ZNF385D: variants seen among roughly 807,000 people sequenced by gnomAD.
The protein encoded by ZNF385D is zinc finger protein 659.
In ZNF385D, 15 loss-of-function variants were observed where a neutral mutation model predicts 35.8. The observed-to-expected ratio is 0.42, with a 90% CI of 0.28 to 0.64. ZNF385D has a LOEUF of 0.64. Among genes scored for constraint, ZNF385D ranks in the 30% least tolerant of loss-of-function variants. ZNF385D has a pLI of 0.23. For missense variants in ZNF385D, 474 were observed against 494.6 expected, an observed-to-expected ratio of 0.96 and a Z score of 0.39; for synonymous variants, 212 against 186.8, an observed-to-expected ratio of 1.13 and a Z score of -1.10.
chr3:22,018,614 A>G (rs959086178), intron 3 of ZNF385D, among the ~76,000 whole-genome samples: 1 of 152,002 alleles, frequency 6.6e-6, no homozygotes, highest in Non-Finnish European at 1.5e-5. Context: ...TTTTAAAATT[A>G]TTACTTAGGG....
intron 3 of ZNF385D, among the ~76,000 whole-genome samples, chr3:21,788,489 A>G (rs879300481): frequency 6.6e-6 from 1 of 152,190 alleles, no homozygotes; most frequent in Admixed American, 6.5e-5. Context: ...ACCTAGAGAC[A>G]AATGTGACAT....
intron 3 of ZNF385D, among the ~76,000 whole-genome samples, chr3:22,099,598 C>A (rs1182030400): frequency 6.6e-6 from 1 of 151,982 alleles, no homozygotes; most frequent in Non-Finnish European, 1.5e-5. Flanking sequence ...GAGGGTAAAC[C>A]TGATTTAGTG....
intron 2 of ZNF385D, among the ~76,000 whole-genome samples, chr3:21,632,051 A>T (rs1017823363): frequency 2.6e-5 from 4 of 152,148 alleles, no homozygotes; most frequent in African/African-American, 9.7e-5. Context: ...TATTTATTAA[A>T]TTCCAAATGT....
intron 3 of ZNF385D, among the ~76,000 whole-genome samples, chr3:21,517,509 C>A (rs1403428430): frequency 6.6e-6 from 1 of 152,120 alleles, no homozygotes; most frequent in African/African-American, 2.4e-5. Flanking sequence ...TTATTACTGT[C>A]TGTGTGTGTT....
chr3:21,827,357 T>G (rs1694706344), intron 3 of ZNF385D, among the ~76,000 whole-genome samples: 1 of 152,178 alleles, frequency 6.6e-6, no homozygotes, highest in Non-Finnish European at 1.5e-5. Flanking sequence ...CACACGCATA[T>G]ATATTAACTG....
chr3:22,348,485 T>TAAAAAAAAAAAAAAAAAAAAAAAA (rs1168729541), intron 2 of ZNF385D, among the ~76,000 whole-genome samples: 11 of 84,872 alleles, frequency 1.3e-4, no homozygotes, highest in African/African-American at 2.8e-4. Context: ...CCATCTCTAC[T>TAAAAAAAAAAAAAAAAAAAAAAAA]AAAAAAAAAA....
chr3:21,619,170 T>C (rs1238045720), intron 2 of ZNF385D, among the ~76,000 whole-genome samples: 1 of 152,182 alleles, frequency 6.6e-6, no homozygotes, highest in African/African-American at 2.4e-5. Context: ...CCCCACACTT[T>C]AGACTGTCCT....
At chr3:22,016,037 G>C (rs75418973) in intron 3 of ZNF385D, among the ~76,000 whole-genome samples, 1 of 152,102 alleles carries the variant, frequency 6.6e-6, no homozygotes, top group Admixed American at 6.6e-5. Context: ...GGTCATCAGT[G>C]AATCAACATA....
At chr3:21,803,380 C>G (rs932755894) in intron 3 of ZNF385D, among the ~76,000 whole-genome samples, 1 of 152,040 alleles carries the variant, frequency 6.6e-6, no homozygotes, top group South Asian at 2.1e-4. Flanking sequence ...ACATAGTTTT[C>G]TAGAAAATCA....
At chr3:22,013,859 C>T (rs1696721072) in intron 3 of ZNF385D, among the ~76,000 whole-genome samples, 2 of 151,994 alleles carry the variant, frequency 1.3e-5, no homozygotes, top group South Asian at 4.1e-4. Flanking sequence ...CAAAATAAGC[C>T]AACTGGGCTG....
chr3:21,829,630 TA>T (rs59331937), intron 3 of ZNF385D, among the ~76,000 whole-genome samples: 28,663 of 151,834 alleles, frequency 0.19, 3,161 homozygotes, highest in Middle Eastern at 0.34. Context: ...TGGTGAACTG[TA>T]AGGGGTCAAG....
chr3:21,533,166 G>A lies in ZNF385D; in HGVS notation c.277-22143C>T, dbSNP rs1321515676. 2.0e-5 allele frequency among the ~76,000 whole-genome samples: 3 copies of A among 152,114 alleles called. No homozygotes were observed. In the East Asian group the frequency reaches 5.8e-4, roughly 29 times the overall value. ...GTGAGTGAAAGAGCAGGTGGCCCTC[G>A]CTTTGTAGGCTGCAGCTCTAAATCT... On this transcript the variant is annotated intron_variant, in intron 3 of 7. Coordinates refer to ENST00000281523, the MANE Select transcript of ZNF385D (RefSeq NM_024697.3).
At chr3:22,296,069 A>G (rs1484871647) in intron 2 of ZNF385D, among the ~76,000 whole-genome samples, 1 of 152,172 alleles carries the variant, frequency 6.6e-6, no homozygotes, top group African/African-American at 2.4e-5. Flanking sequence ...CATACCATCT[A>G]TCTAAATATC....
intron 2 of ZNF385D, among the ~76,000 whole-genome samples, chr3:22,308,308 G>A (rs1230270959): frequency 6.6e-6 from 1 of 151,936 alleles, no homozygotes; most frequent in African/African-American, 2.4e-5. Context: ...TTCTTCATAT[G>A]AAATCCATAA....
intron 3 of ZNF385D, among the ~76,000 whole-genome samples, chr3:21,762,608 TATC>T (rs2070667678): frequency 1.3e-5 from 2 of 152,176 alleles, no homozygotes; most frequent in South Asian, 4.1e-4. Flanking sequence ...TATTGCCACT[TATC>T]ATCTCATCTC....
chr3:22,072,027 A>T (rs1700253802), intron 3 of ZNF385D, among the ~76,000 whole-genome samples: 3 of 152,274 alleles, frequency 2.0e-5, no homozygotes, highest in Middle Eastern at 6.8e-3. Flanking sequence ...GATGAGCAAT[A>T]ATTTATACCT....
At chr3:22,320,266 G>A (rs532842640) in intron 2 of ZNF385D, among the ~76,000 whole-genome samples, 3 of 152,214 alleles carry the variant, frequency 2.0e-5, no homozygotes, top group East Asian at 3.9e-4. Context: ...GATTAACAGA[G>A]ATGAACCAAG....
chr3:22,278,836 T>G (rs936963563), intron 2 of ZNF385D, among the ~76,000 whole-genome samples: 4 of 152,008 alleles, frequency 2.6e-5, no homozygotes, highest in Non-Finnish European at 5.9e-5. Context: ...TCTTGTGGGG[T>G]CTGGGTTTAC....
intron 2 of ZNF385D, among the ~76,000 whole-genome samples, chr3:22,238,241 T>C (rs2125309409): frequency 6.6e-6 from 1 of 151,270 alleles, no homozygotes; most frequent in South Asian, 2.2e-4. Context: ...AAAGTGCAAG[T>C]CTTCCAACTT....
Sources: gnomAD v4.1 joint callset for allele counts (sites outside exome capture counted in the v4.1 genomes callset) on GRCh38, gnomAD v4.1.1 for gene constraint, MANE v1.5 for transcripts, NCBI Gene and HGNC (gene_info 2026-07-23, HGNC 2026-07-21) for gene names.